Variants in PKN3 observed in about 807,000 individuals in gnomAD.
The protein encoded by PKN3 is serine/threonine-protein kinase N3.
In PKN3, 91 loss-of-function variants were observed where a neutral mutation model predicts 113.1. The ratio of observed to expected loss-of-function variants is 0.80; its 90% confidence interval spans 0.68 to 0.96. The LOEUF is 0.96. Among genes scored for constraint, PKN3 ranks in the 40% least tolerant of loss-of-function variants. PKN3 has a pLI of 0.00. For missense variants in PKN3, 1,052 were observed against 1,202.2 expected, an observed-to-expected ratio of 0.88 and a Z score of 1.85; for synonymous variants, 467 against 499.0, an observed-to-expected ratio of 0.94 and a Z score of 0.85.
At chr9:128,713,977 G>A in intron 9 of PKN3, 69 bp from the exon 10 acceptor site, 3 of 1,518,872 alleles carry the variant, frequency 2.0e-6, no homozygotes, top group Non-Finnish European at 2.7e-6. Flanking sequence ...TAATCCCAGG[G>A]GCAGAGGAGG....
At chr9:128,703,493 G>A in intron 1 of PKN3, 3 of 985,388 alleles carry the variant, frequency 3.0e-6, no homozygotes, top group Non-Finnish European at 3.6e-6. Flanking sequence ...TCTAGAATGC[G>A]GAGGGGGCTG....
In PKN3 at chr9:128,711,827, G is replaced by A. The variant is rs568175988; in HGVS notation, c.836-1225G>A. ...TTGGCCAGGCTGGTCTCGAACTCCC[G>A]ACCTCAGGTGATCCACCTGCCTCAG... is the stretch of plus-strand genomic sequence containing the variant. On this transcript the variant is annotated intron_variant, in intron 6 of 21. Coordinates refer to ENST00000291906, the MANE Select transcript of PKN3 (RefSeq NM_013355.5). Among the ~76,000 whole-genome samples the A allele has an allele frequency of 6.6e-4, 98 of 147,692 alleles. 1 individual carries two copies. The highest frequency in any genetic ancestry group is 2.4e-3 in the Admixed American group (36 of 14,784).
At chr9:128,719,656 G>A (rs373326612) in intron 18 of PKN3, 30 bp from the exon 19 acceptor site, 1 of 1,522,486 alleles carries the variant, frequency 6.6e-7, no homozygotes, top group Non-Finnish European at 8.8e-7. Context: ...GCCACACCAA[G>A]CAGCTATTGG....
At chr9:128,704,667 C>G (rs980238052) in intron 1 of PKN3, among the ~76,000 whole-genome samples, 31 of 152,080 alleles carry the variant, frequency 2.0e-4, no homozygotes, top group African/African-American at 7.2e-4. Context: ...CACCTGTAAT[C>G]CCAGCACTTT....
At chr9:128,718,837 G>T (rs1023758541) in intron 18 of PKN3, among the ~76,000 whole-genome samples, 1 of 151,862 alleles carries the variant, frequency 6.6e-6, no homozygotes, top group African/African-American at 2.4e-5. Flanking sequence ...CCTGGCCCAA[G>T]GGAGAGCCTG....
chr9:128,719,211 A>G (rs1862444271), intron 18 of PKN3, among the ~76,000 whole-genome samples: 1 of 130,668 alleles, frequency 7.7e-6, no homozygotes, highest in African/African-American at 2.9e-5. Context: ...TTTTTTTGAG[A>G]TGGAGTCTTG....
In PKN3 at chr9:128,715,395, A is replaced by G; in HGVS notation, c.1743A>G (p.Thr581=). Reference sequence around the variant, plus strand: ...TCCTCCTGGTCCAGTTCAAGGGGACAGGGAAATACTACGCCATCAAAGCAC... The same window carrying G: ...TCCTCCTGGTCCAGTTCAAGGGGACGGGGAAATACTACGCCATCAAAGCAC... ...GKVLLVQFKG[T]GKYYAIKALK... The change falls in exon 15 of 22, where the codon ACA becomes ACG. Residue 581 remains threonine, a synonymous_variant. Transcript: ENST00000291906. The surrounding 1 kb of genome is among the most constrained non-coding windows in gnomAD (Gnocchi z 4.1). The G allele has an allele frequency of 6.2e-7, 1 of 1,614,056 alleles. No homozygotes were observed. The highest frequency in any genetic ancestry group is 8.5e-7 in the Non-Finnish European group (1 of 1,179,972).
chr9:128,713,270 C>A lies in PKN3; in HGVS notation c.983-8C>A, dbSNP rs746121813. The A allele has an allele frequency of 1.2e-6, 2 of 1,613,424 alleles. No individual in the cohort carries two copies. Among genetic ancestry groups the A allele is most frequent in the African/African-American group, 1.3e-5 (1 of 74,948 alleles). On this transcript the variant is annotated splice_region_variant and splice_polypyrimidine_tract_variant and intron_variant, in intron 7 of 21. Coordinates refer to ENST00000291906, the MANE Select transcript of PKN3 (RefSeq NM_013355.5). ...GGCCTGCCCTGAGTCCCGGCTCTGG[C>A]CCTGCAGGCGAGGTGCTGGCTGTGC... is the stretch of plus-strand genomic sequence containing the variant.
intron 1 of PKN3, among the ~76,000 whole-genome samples, chr9:128,704,342 T>G (rs1861945618): frequency 6.6e-6 from 1 of 152,108 alleles, no homozygotes; most frequent in South Asian, 2.1e-4. Flanking sequence ...CCCCAGTTCC[T>G]CTCTGTGCCT....
intron 6 of PKN3, among the ~76,000 whole-genome samples, chr9:128,712,277 T>C (rs1862203724): frequency 6.6e-6 from 1 of 152,228 alleles, no homozygotes; most frequent in Non-Finnish European, 1.5e-5. Context: ...TCTCTCTGTG[T>C]GTAACCCCCA....
At chr9:128,711,383 T>C (rs1373825632) in intron 6 of PKN3, among the ~76,000 whole-genome samples, 3 of 147,534 alleles carry the variant, frequency 2.0e-5, no homozygotes, top group Non-Finnish European at 4.5e-5. Flanking sequence ...TTCGGCTCAC[T>C]GCAAGCTCTG....
rs1299838244 is a variant in PKN3 at position 128,715,725 on chromosome 9, ACT to A, written c.1808+268_1808+269del. ...GAGCCCCTGACATATAGAAACCATC[ACT>A]CTATGGCCAGGCGTGGTAACTCATG... On this transcript the variant is annotated intron_variant, in intron 15 of 21. Coordinates refer to ENST00000291906, the MANE Select transcript of PKN3 (RefSeq NM_013355.5). This position sits in a 1 kb window ranked among gnomAD's most constrained non-coding sequence, Gnocchi z 4.1. Among the ~76,000 whole-genome samples, 2 of 151,844 alleles carry A rather than the reference ACT, an allele frequency of 1.3e-5. No homozygotes were observed. Among genetic ancestry groups the A allele is most frequent in the Non-Finnish European group, 2.9e-5 (2 of 67,966 alleles).
At chr9:128,717,964 G>A (rs1247226288) in intron 16 of PKN3, among the ~76,000 whole-genome samples, 3 of 151,960 alleles carry the variant, frequency 2.0e-5, no homozygotes, top group African/African-American at 7.3e-5. Context: ...GAACCCAGGA[G>A]GTGGAGGTTG....
At chr9:128,711,833 A>G (rs1238260980) in intron 6 of PKN3, among the ~76,000 whole-genome samples, 1 of 145,254 alleles carries the variant, frequency 6.9e-6, no homozygotes, top group African/African-American at 2.6e-5. Context: ...TCCCGACCTC[A>G]GGTGATCCAC....
rs770548645 is a variant in PKN3, at chr9:128,714,546, T to C, written c.1482-16T>C. 6 of 1,046,620 alleles carry C rather than the reference T, an allele frequency of 5.7e-6. No individual in the cohort carries two copies. The South Asian group carries it at 7.5e-5, about 13-fold the overall frequency. The allele number at this position is 1,046,620 out of a possible 1,614,324, so 64.8% of individuals were successfully genotyped here. On this transcript the variant is annotated splice_polypyrimidine_tract_variant and intron_variant, in intron 11 of 21. Coordinates refer to ENST00000291906, the MANE Select transcript of PKN3 (RefSeq NM_013355.5). ...GTCTGCCTGTGCTGGGCACTGTGTC[T>C]ACTTTCTCCCTACAGTAATTTCCTG...
At chr9:128,716,954 C>T (rs547074505) in intron 16 of PKN3, 31 bp downstream of exon 16, 3 of 1,601,540 alleles carry the variant, frequency 1.9e-6, no homozygotes, top group Non-Finnish European at 2.6e-6. Context: ...CTGCCTCTTC[C>T]AGCAAACTTT....
Position 128,707,036 on chromosome 9 carries a change from C to T in PKN3, c.651+13C>T. The T allele has an allele frequency of 1.9e-6, 3 of 1,614,120 alleles. No homozygotes were observed. The highest frequency in any genetic ancestry group is 2.5e-6 in the Non-Finnish European group (3 of 1,180,002). On this transcript the variant is annotated intron_variant, in intron 5 of 21. Transcript: ENST00000291906. ...GGCACTGGCTGAGGTCAGGCCCCAG[C>T]CCTGGCCCTCTCCTAAGGCTGGCTT...
rs781332086 is a variant in PKN3, at chr9:128,714,338, G to A, written c.1454G>A (p.Arg485Gln). Residue 485 changes from arginine to glutamine, a missense_variant, in exon 11 of 22, where the codon CGA becomes CAA. Transcript: ENST00000291906. Reference sequence around the variant, plus strand: ...TGCCCTCGGACCCCAACAACACTGCGAGAGGCCTCTGACCCTGCCACTCCC... The same window carrying A: ...TGCCCTCGGACCCCAACAACACTGCAAGAGGCCTCTGACCCTGCCACTCCC... ...KGCPRTPTTLREASDPATPSN... is the reference protein window; with the variant it reads ...KGCPRTPTTLQEASDPATPSN... 3.7e-6 allele frequency: 6 copies of A among 1,606,480 alleles called. No individual in the cohort carries two copies. Among genetic ancestry groups the A allele is most frequent in the Non-Finnish European group, 5.1e-6 (6 of 1,175,778 alleles).
Position 128,716,978 on chromosome 9 carries a change from C to T in PKN3, c.1985+55C>T, listed in dbSNP as rs182635429. 138 of 1,463,130 alleles carry T rather than the reference C, an allele frequency of 9.4e-5. No individual in the cohort carries two copies. In the African/African-American group the frequency reaches 1.5e-3, roughly 16 times the overall value. The allele number at this position is 1,463,130 out of a possible 1,614,324, so 90.6% of individuals were successfully genotyped here. A position where few individuals can be genotyped will look rare whatever the true frequency, so the allele number is the denominator to read the frequency against. The stretch of plus-strand genomic sequence containing the variant: ...CCAGCAAACTTTGCCTGGTTCCCTA[C>T]ACCCACTCTCTACATACTGCTTTCT... On this transcript the variant is annotated intron_variant, in intron 16 of 21. Coordinates refer to ENST00000291906, the MANE Select transcript of PKN3 (RefSeq NM_013355.5).
Sources: gnomAD v4.1 joint callset for allele counts (sites outside exome capture counted in the v4.1 genomes callset) on GRCh38, gnomAD v4.1.1 for gene constraint, Gnocchi (gnomAD v3.1) non-coding constraint, MANE v1.5 for transcripts, NCBI Gene and HGNC (gene_info 2026-07-23, HGNC 2026-07-21) for gene names.